Variants in TRAPPC14 observed in about 807,000 individuals in gnomAD.
TRAPPC14 encodes trafficking protein particle complex subunit 14.
A neutral mutation model predicts 56.6 loss-of-function variants in TRAPPC14; 24 were observed. The observed-to-expected ratio is 0.42, with a 90% CI of 0.31 to 0.60. The LOEUF (loss-of-function observed/expected upper bound fraction) is 0.60, where lower values mean the gene tolerates loss of function less well. Ranked by LOEUF, TRAPPC14 falls within the 20% of genes least tolerant of loss-of-function variation. The pLI, the probability that TRAPPC14 is intolerant of heterozygous loss-of-function variation, is 0.14. For missense variants in TRAPPC14, 615 were observed against 790.3 expected (o/e 0.78, Z 2.66); for synonymous variants, 377 against 347.0 (o/e 1.09, Z -0.96).
Position 100,156,492 on chromosome 7 carries a change from G to A in TRAPPC14, c.1134C>T (p.Ser378=), listed in dbSNP as rs1185094474. ...TGAAACGCTCGTAGGTCCGAACAGG[G>A]GACTTACAAGAAGCGGTCATCACAA... ...PCFVMTASCK[S]PVRTYERFTV... The change falls in exon 8 of 11, where the codon TCC becomes TCT. Residue 378 remains serine (S), a synonymous_variant. Transcript: ENST00000316937. 1.9e-6 allele frequency: 3 copies of A among 1,614,144 alleles called. No individual in the cohort carries two copies. The highest frequency in any genetic ancestry group is 2.5e-6 in the Non-Finnish European group (3 of 1,180,018).
At chr7:100,155,519 G>A (rs1798859854) in intron 9 of TRAPPC14, 64 bp from the exon 10 acceptor site, 1 of 1,512,028 alleles carries the variant, frequency 6.6e-7, no homozygotes, top group South Asian at 1.3e-5. Flanking sequence ...CTTCCAAATG[G>A]TCTTCCCCAT....
In TRAPPC14 at chr7:100,158,479, G is replaced by A. The variant is rs1257301709; in HGVS notation, c.21C>T (p.Tyr7=). Residue 7 remains tyrosine, a synonymous_variant, in exon 1 of 11, where the codon TAC becomes TAT. Transcript: ENST00000316937. The part of the protein sequence containing the change: MESQCD[Y]SMYFPAVPLP... ...GCGGCACGGCCGGGAAGTACATCGA[G>A]TAGTCGCACTGGGACTCCATGGGGC... is the stretch of plus-strand genomic sequence containing the variant. 1 of 1,362,310 alleles carries A rather than the reference G, an allele frequency of 7.3e-7. No homozygotes were observed. 84.4% of individuals were successfully genotyped at this position (1,362,310 alleles called of 1,614,324 possible).
In TRAPPC14 at chr7:100,158,546, C is replaced by A. The variant is rs759088863; in HGVS notation, c.-47G>T. 1 of 1,301,186 alleles carries A rather than the reference C, an allele frequency of 7.7e-7. No individual in the cohort carries two copies. The highest frequency in any genetic ancestry group is 9.7e-7 in the Non-Finnish European group (1 of 1,026,540). 80.6% of individuals were successfully genotyped at this position (1,301,186 alleles called of 1,614,324 possible). A position where few individuals can be genotyped will look rare whatever the true frequency, so the allele number is the denominator to read the frequency against. On this transcript the variant is annotated 5_prime_UTR_variant, in exon 1 of 11. Transcript: ENST00000316937. Reference sequence around the variant, plus strand: ...CTGGGAGCCCGGACCGGAGGCCGACCGCCGGCGGGGCCCGCTAGGGTGGGT... The same window carrying A: ...CTGGGAGCCCGGACCGGAGGCCGACAGCCGGCGGGGCCCGCTAGGGTGGGT...
In TRAPPC14 at chr7:100,156,298, T is replaced by C. The variant is rs1435548625; in HGVS notation, c.1240+88A>G. On this transcript the variant is annotated intron_variant, in intron 8 of 10. Coordinates refer to ENST00000316937, the MANE Select transcript of TRAPPC14 (RefSeq NM_018275.5). ...TCCTGTGATGGGGCTGGCACCAAAT[T>C]TGGCTGTTTTCACTGTCCTGCCTCC... The C allele has an allele frequency of 6.4e-6, 9 of 1,406,240 alleles. No homozygotes were observed. In the Admixed American group the frequency reaches 7.8e-5, roughly 12 times the overall value. 87.1% of individuals were successfully genotyped at this position (1,406,240 alleles called of 1,614,324 possible). A position where few individuals can be genotyped will look rare whatever the true frequency, so the allele number is the denominator to read the frequency against.
chr7:100,158,223 C>T lies in TRAPPC14; in HGVS notation c.277G>A (p.Gly93Arg), dbSNP rs1265294615. ...ASVSAGGGMP[G>R]GGGAGDQDSE... Reference sequence around the variant, plus strand: ...TCCTGGTCGCCGGCGCCGCCGCCCCCCGGCATCCCGCCTCCGGCGCTGACC... The same window carrying T: ...TCCTGGTCGCCGGCGCCGCCGCCCCTCGGCATCCCGCCTCCGGCGCTGACC... The change falls in exon 1 of 11, where the codon GGG becomes AGG. Residue 93 changes from glycine (G) to arginine (R), a missense_variant. Physicochemically the swap from Gly to Arg is moderately radical, Grantham distance 125. Transcript: ENST00000316937. The T allele has an allele frequency of 1.4e-6, 2 of 1,470,238 alleles. No homozygotes were observed. Among genetic ancestry groups the T allele is most frequent in the African/African-American group, 2.9e-5 (2 of 68,444 alleles). 91.1% of individuals were successfully genotyped at this position (1,470,238 alleles called of 1,614,324 possible). A position where few individuals can be genotyped will look rare whatever the true frequency, so the allele number is the denominator to read the frequency against.
rs1257579835 is a variant in TRAPPC14 at position 100,157,772 on chromosome 7, G to A, written c.508-10C>T. 1.2e-6 allele frequency: 2 copies of A among 1,614,198 alleles called. No individual in the cohort carries two copies. Among genetic ancestry groups the A allele is most frequent in the South Asian group, 1.1e-5 (1 of 91,084 alleles). On this transcript the variant is annotated splice_polypyrimidine_tract_variant and intron_variant, in intron 2 of 10. Coordinates refer to ENST00000316937, the MANE Select transcript of TRAPPC14 (RefSeq NM_018275.5). Reference sequence around the variant, plus strand: ...ACACAGTCACTACAATCTGTCAAGAGGAAAGACAGATGGCTGAGCCCGGAA... The same window carrying A: ...ACACAGTCACTACAATCTGTCAAGAAGAAAGACAGATGGCTGAGCCCGGAA...
Position 100,156,437 on chromosome 7 carries a change from G to T in TRAPPC14, c.1189C>A (p.Gln397Lys), listed in dbSNP as rs1798882647. ...TVTYTLLNNL[Q>K]DFLAVRLVWT... ...ACGAGCCTCACAGCAAGGAAGTCTT[G>T]GAGATTGTTAAGCAGCGTGTAGGTG... The change falls in exon 8 of 11, where the codon CAA (glutamine) becomes AAA (lysine). Residue 397 changes from glutamine (Q) to lysine (K), a missense_variant. Gln to Lys is a moderately conservative substitution (Grantham distance 53). Coordinates refer to ENST00000316937, the MANE Select transcript of TRAPPC14 (RefSeq NM_018275.5). The T allele has an allele frequency of 6.2e-7, 1 of 1,614,088 alleles. No individual in the cohort carries two copies. Among genetic ancestry groups the T allele is most frequent in the African/African-American group, 1.3e-5 (1 of 74,926 alleles).
rs1391627087 is a variant in TRAPPC14 at position 100,155,725 on chromosome 7, G to A, written c.1341C>T (p.Gly447=). ...AGGCCACACTGAAGGTGAGCGCGCT[G>A]CCCTTCCGGGAAAAGCCAAGGTTGT... ...PLNNLGFSRK[G]SALTFSVAFQ... is the part of the protein sequence containing the mutation. Residue 447 remains glycine, a synonymous_variant, in exon 9 of 11, where the codon GGC becomes GGT. Coordinates refer to ENST00000316937, the MANE Select transcript of TRAPPC14 (RefSeq NM_018275.5). 3.1e-6 allele frequency: 5 copies of A among 1,614,142 alleles called. No individual in the cohort carries two copies. The highest frequency in any genetic ancestry group is 4.2e-6 in the Non-Finnish European group (5 of 1,179,986).
Position 100,155,278 on chromosome 7 carries a change from G to C in TRAPPC14, c.1573C>G (p.Arg525Gly), listed in dbSNP as rs1798852463. Residue 525 changes from arginine to glycine, a missense_variant, in exon 10 of 11, where the codon CGA becomes GGA. Transcript: ENST00000316937. ...GTTCTGTACCTCATGAGGTGGCTTCGGGAAGGCTGCTGGTGGGAGAAGGAC... is the reference window on the plus strand; with the variant it reads ...GTTCTGTACCTCATGAGGTGGCTTCCGGAAGGCTGCTGGTGGGAGAAGGAC... Reference protein sequence around the residue: ...SQSFSHQQPSRSHLMRSGSVM... With the variant: ...SQSFSHQQPSGSHLMRSGSVM... The C allele has an allele frequency of 3.2e-6, 5 of 1,566,352 alleles. No individual in the cohort carries two copies. The highest frequency in any genetic ancestry group is 3.5e-6 in the Non-Finnish European group (4 of 1,156,174).
In TRAPPC14 at chr7:100,158,288, G is replaced by A. The variant is rs1011981561; in HGVS notation, c.212C>T (p.Ala71Val). Residue 71 changes from alanine (A) to valine (V), a missense_variant, in exon 1 of 11, where the codon GCC becomes GTC. Transcript: ENST00000316937. ...GGGPGLGSRG[A>V]WAELATALAA... ...CAGGGCGGTTGCCAGTTCTGCCCAG[G>A]CTCCTCTGGAGCCCAAGCCCGGGCC... 82 of 1,487,078 alleles carry A rather than the reference G, an allele frequency of 5.5e-5. No homozygotes were observed. Among genetic ancestry groups the A allele is most frequent in the Non-Finnish European group, 6.8e-5 (76 of 1,124,968 alleles). 92.1% of individuals were successfully genotyped at this position (1,487,078 alleles called of 1,614,324 possible). A position where few individuals can be genotyped will look rare whatever the true frequency, so the allele number is the denominator to read the frequency against.
chr7:100,155,469 C>T lies in TRAPPC14; in HGVS notation c.1396-14G>A. 4 of 1,519,770 alleles carry T rather than the reference C, an allele frequency of 2.6e-6. No individual in the cohort carries two copies. Among genetic ancestry groups the T allele is most frequent in the South Asian group, 2.6e-5 (2 of 77,586 alleles). The allele number at this position is 1,519,770 out of a possible 1,614,324, so 94.1% of individuals were successfully genotyped here. A position where few individuals can be genotyped will look rare whatever the true frequency, so the allele number is the denominator to read the frequency against. ...GTGCTGGCTTAGCTGGGGGGAGACA[C>T]AGGTCAGCATGCCAGCTCGGCTTCC... On this transcript the variant is annotated splice_polypyrimidine_tract_variant and intron_variant, in intron 9 of 10. Transcript: ENST00000316937.
In TRAPPC14 at chr7:100,155,128, G is replaced by A. The variant is rs374129001; in HGVS notation, c.1626C>T (p.Pro542=). Reference sequence around the variant, plus strand: ...GGCGGCCAACAGGAGAGGCCACAGGGGGCGTGATGGCTCTGCGCTCCATCA... The same window carrying A: ...GGCGGCCAACAGGAGAGGCCACAGGAGGCGTGATGGCTCTGCGCTCCATCA... ...GSVMERRAIT[P]PVASPVGRPL... Residue 542 remains proline, a synonymous_variant, in exon 11 of 11, where the codon CCC becomes CCT. Transcript: ENST00000316937. 2.5e-5 allele frequency: 41 copies of A among 1,613,298 alleles called. No individual in the cohort carries two copies. Among genetic ancestry groups the A allele is most frequent in the Non-Finnish European group, 3.4e-5 (40 of 1,179,664 alleles).
intron 8 of TRAPPC14, 126 bp from the exon 9 acceptor site, chr7:100,155,951 T>G (rs1435030013): frequency 7.2e-6 from 9 of 1,247,250 alleles, no homozygotes; most frequent in Non-Finnish European, 1.1e-5. Context: ...CGTTATCTTT[T>G]GTGCATGTTG....
rs201968706 is a variant in TRAPPC14 at position 100,157,773 on chromosome 7, G to T, written c.508-11C>A. ...CACAGTCACTACAATCTGTCAAGAG[G>T]AAAGACAGATGGCTGAGCCCGGAAA... On this transcript the variant is annotated splice_polypyrimidine_tract_variant and intron_variant, in intron 2 of 10. Coordinates refer to ENST00000316937, the MANE Select transcript of TRAPPC14 (RefSeq NM_018275.5). The T allele has an allele frequency of 6.2e-7, 1 of 1,614,096 alleles. No individual in the cohort carries two copies. Among genetic ancestry groups the T allele is most frequent in the African/African-American group, 1.3e-5 (1 of 74,940 alleles).
intron 8 of TRAPPC14, chr7:100,156,151 A>G (rs1254748688): frequency 1.3e-5 from 8 of 612,432 alleles, no homozygotes; most frequent in Admixed American, 2.6e-5. Flanking sequence ...CACACCAGCG[A>G]GTGCAGCTCC....
chr7:100,155,190 G>A lies in TRAPPC14; in HGVS notation c.1590-26C>T, dbSNP rs200831928. 542 of 1,608,892 alleles carry A rather than the reference G, an allele frequency of 3.4e-4. 4 individuals carry two copies. In the South Asian group the frequency reaches 5.6e-3, roughly 17 times the overall value. On this transcript the variant is annotated intron_variant, in intron 10 of 10. Transcript: ENST00000316937. ...CTGGGGGAAGGCAGAGGCTGTGGGC[G>A]CTGGTCAGACCCGGCACCCTCGCTG...
At chr7:100,155,528 A>G (rs1167949187) in intron 9 of TRAPPC14, 73 bp from the exon 10 acceptor site, 4 of 1,509,890 alleles carry the variant, frequency 2.6e-6, no homozygotes, top group African/African-American at 1.4e-5. Context: ...GGTCTTCCCC[A>G]TGTGACAGAC....
At chr7:100,157,343 C>G (rs776321006) in intron 4 of TRAPPC14, 30 bp downstream of exon 4, 2 of 1,613,674 alleles carry the variant, frequency 1.2e-6, no homozygotes, top group Non-Finnish European at 1.7e-6. Context: ...CTTGTTGCTC[C>G]CGGAGGCTGG....
Position 100,155,668 on chromosome 7 carries a change from C to T in TRAPPC14, c.1395+3G>A. 1 of 1,596,752 alleles carries T rather than the reference C, an allele frequency of 6.3e-7. No individual in the cohort carries two copies. Among genetic ancestry groups the T allele is most frequent in the Non-Finnish European group, 8.5e-7 (1 of 1,170,062 alleles). ...CACTCAGCCCAGACCCTCCCCAGCC[C>T]ACCTCGAAGAGCCCCGTCCTCAGAG... is the stretch of plus-strand genomic sequence containing the variant. On this transcript the variant is annotated splice_donor_region_variant and intron_variant, in intron 9 of 10. Transcript: ENST00000316937.
Sources: gnomAD v4.1 joint callset for allele counts on GRCh38, gnomAD v4.1.1 for gene constraint, MANE v1.5 for transcripts, NCBI Gene and HGNC (gene_info 2026-07-23, HGNC 2026-07-21) for gene names.